SFMBT2: variants seen among roughly 807,000 people sequenced by gnomAD.
SFMBT2 encodes Scm like with four mbt domains 2.
SFMBT2 carries 38 observed loss-of-function variants against 110.1 expected under a neutral mutation model. The ratio of observed to expected loss-of-function variants is 0.35; its 90% confidence interval spans 0.27 to 0.45. SFMBT2 has a LOEUF of 0.45. Ranked by LOEUF, SFMBT2 falls within the 20% of genes least tolerant of loss-of-function variation. The probability of loss-of-function intolerance (pLI) is 1.00; values close to 1 mark genes in which losing one functional copy is unlikely to be tolerated. For missense variants in SFMBT2, 1,011 were observed against 1,094.9 expected (o/e 0.92, Z 1.08); for synonymous variants, 425 against 425.4 (o/e 1.00, Z 0.01).
intron 1 of SFMBT2, among the ~76,000 whole-genome samples, chr10:7,404,511 C>A (rs1462783256): frequency 6.6e-6 from 1 of 152,230 alleles, no homozygotes; most frequent in Non-Finnish European, 1.5e-5. Context: ...CACCTCCATA[C>A]ACTTCCTGTC....
chr10:7,245,119 A>T (rs1165409303), intron 8 of SFMBT2, among the ~76,000 whole-genome samples: 1 of 152,070 alleles, frequency 6.6e-6, no homozygotes, highest in East Asian at 1.9e-4. Flanking sequence ...TGGGGTCCTC[A>T]CTGCTACCGG....
chr10:7,373,208 G>A (rs777906730), intron 2 of SFMBT2, among the ~76,000 whole-genome samples: 65 of 152,086 alleles, frequency 4.3e-4, no homozygotes, highest in Non-Finnish European at 7.2e-4. Flanking sequence ...GGGTTGTTAA[G>A]ACCCTGGTTA....
At chr10:7,391,614 TCAA>T (rs1056007625) in intron 1 of SFMBT2, among the ~76,000 whole-genome samples, 10 of 152,236 alleles carry the variant, frequency 6.6e-5, no homozygotes, top group African/African-American at 1.4e-4. Flanking sequence ...TTTGACTTTT[TCAA>T]CAACATTTAG....
chr10:7,209,002 A>G (rs567995518), intron 11 of SFMBT2, among the ~76,000 whole-genome samples: 113 of 152,316 alleles, frequency 7.4e-4, no homozygotes, highest in African/African-American at 2.7e-3. Context: ...CTATTAAATA[A>G]GAACTGATGG....
chr10:7,400,345 G>A (rs781251705), intron 1 of SFMBT2, among the ~76,000 whole-genome samples: 1 of 152,176 alleles, frequency 6.6e-6, no homozygotes, highest in Non-Finnish European at 1.5e-5. Context: ...AAGCTTCACC[G>A]TAAACACTGT....
At chr10:7,266,893 G>A (rs1410234348) in intron 7 of SFMBT2, among the ~76,000 whole-genome samples, 1 of 152,192 alleles carries the variant, frequency 6.6e-6, no homozygotes, top group Non-Finnish European at 1.5e-5. Context: ...GGCCTAGGCT[G>A]TGGTCCTCAC....
In SFMBT2 at chr10:7,283,432, T is replaced by C. The variant is rs1416367793; in HGVS notation, c.772+472A>G. 3.9e-5 allele frequency among the ~76,000 whole-genome samples: 6 copies of C among 152,288 alleles called. No homozygotes were observed. In the South Asian group the frequency reaches 6.2e-4, roughly 16 times the overall value. ...ATGGATGAATGGATGGTCAGATAAA[T>C]AGATGAATGCTGGATGGATAGGTGG... is the stretch of plus-strand genomic sequence containing the variant. On this transcript the variant is annotated intron_variant, in intron 6 of 20. Coordinates refer to ENST00000397167, the MANE Select transcript of SFMBT2 (RefSeq NM_001387889.1).
chr10:7,336,651 CTCAA>C (rs59171440), intron 4 of SFMBT2, among the ~76,000 whole-genome samples: 57,400 of 150,606 alleles, frequency 0.38, 11,526 homozygotes, highest in African/African-American at 0.53. Context: ...GAGACCCTGT[CTCAA>C]TCAATCAATC....
At chr10:7,201,103 G>A (rs1322205897) in intron 13 of SFMBT2, 1 of 152,208 alleles carries the variant, frequency 6.6e-6, no homozygotes, top group Non-Finnish European at 1.5e-5. Context: ...GTTTCACAGG[G>A]GTGTCTAGGT....
chr10:7,283,165 T>TA (rs1841995768), intron 6 of SFMBT2, among the ~76,000 whole-genome samples: 1 of 152,228 alleles, frequency 6.6e-6, no homozygotes, highest in Non-Finnish European at 1.5e-5. Flanking sequence ...GTACCAGATG[T>TA]AAAATCACCT....
In SFMBT2 at chr10:7,283,986, G is replaced by C. The variant is rs145181622; in HGVS notation, c.690C>G (p.Asp230Glu). 5.6e-6 allele frequency: 9 copies of C among 1,610,056 alleles called. No homozygotes were observed. Among genetic ancestry groups the C allele is most frequent in the Non-Finnish European group, 6.8e-6 (8 of 1,176,414 alleles). ...YVGLEDTESY[D>E]QWLFYLDYRL... ...TGTAATCCAAGTAAAACAACCACTGGTCATAGGATTCAGTGTCCTCCAATC... is the reference window on the plus strand; with the variant it reads ...TGTAATCCAAGTAAAACAACCACTGCTCATAGGATTCAGTGTCCTCCAATC... Residue 230 changes from aspartate (D) to glutamate (E), a missense_variant, in exon 6 of 21, where the codon GAC becomes GAG. This residue lies in a region of SFMBT2 where 979 missense variants were observed against 1,016.1 expected (regional missense o/e 0.96). Coordinates refer to ENST00000397167, the MANE Select transcript of SFMBT2 (RefSeq NM_001387889.1).
chr10:7,180,051 C>A (rs1838198081), intron 16 of SFMBT2, among the ~76,000 whole-genome samples: 1 of 152,170 alleles, frequency 6.6e-6, no homozygotes, highest in Non-Finnish European at 1.5e-5. Context: ...TGCCTGGACC[C>A]CTTCACTGGG....
chr10:7,181,349 G>A (rs1374520522), intron 16 of SFMBT2, among the ~76,000 whole-genome samples: 1 of 151,548 alleles, frequency 6.6e-6, no homozygotes, highest in Non-Finnish European at 1.5e-5. Context: ...TATACTGCAA[G>A]TATTCCAAAA....
Position 7,200,330 on chromosome 10 carries a change from A to G in SFMBT2, c.1558+84T>C, listed in dbSNP as rs190675340. The G allele has an allele frequency of 5.6e-3, 5,967 of 1,074,892 alleles. 18 individuals are homozygous for G. Among genetic ancestry groups the G allele is most frequent in the Non-Finnish European group, 6.7e-3 (5,206 of 771,778 alleles). 66.6% of individuals were successfully genotyped at this position (1,074,892 alleles called of 1,614,324 possible). On this transcript the variant is annotated intron_variant, in intron 14 of 20. Coordinates refer to ENST00000397167, the MANE Select transcript of SFMBT2 (RefSeq NM_001387889.1). Reference sequence around the variant, plus strand: ...ATAGGCTCAACGTTGAGATGTATTCATATCGACCTAGAAACCTATACATGT... The same window carrying G: ...ATAGGCTCAACGTTGAGATGTATTCGTATCGACCTAGAAACCTATACATGT...
chr10:7,254,288 A>T (rs1411206349), intron 7 of SFMBT2, among the ~76,000 whole-genome samples: 1 of 152,194 alleles, frequency 6.6e-6, no homozygotes, highest in Admixed American at 6.5e-5. Flanking sequence ...CCACTGAGGC[A>T]CCGCACAGGA....
At chr10:7,379,182 C>T (rs1198690823) in intron 2 of SFMBT2, among the ~76,000 whole-genome samples, 1 of 152,112 alleles carries the variant, frequency 6.6e-6, no homozygotes, top group Non-Finnish European at 1.5e-5. Flanking sequence ...AGCTAAAGAA[C>T]ACTGGGTTTG....
At chr10:7,274,409 C>T (rs1841700596) in intron 7 of SFMBT2, among the ~76,000 whole-genome samples, 2 of 152,150 alleles carry the variant, frequency 1.3e-5, no homozygotes, top group Non-Finnish European at 2.9e-5. Context: ...CCATAATCCC[C>T]ACATGTTGTG....
intron 1 of SFMBT2, among the ~76,000 whole-genome samples, chr10:7,395,975 G>T (rs981726908): frequency 1.3e-5 from 2 of 152,108 alleles, no homozygotes; most frequent in East Asian, 1.9e-4. Context: ...TGGCTCACAC[G>T]TGTAATCCCA....
At chr10:7,349,449 T>C (rs1844237773) in intron 4 of SFMBT2, among the ~76,000 whole-genome samples, 1 of 123,262 alleles carries the variant, frequency 8.1e-6, no homozygotes, top group Non-Finnish European at 1.7e-5. Flanking sequence ...TCTTTTTTTT[T>C]TTTTTTTTTT....
Sources: gnomAD v4.1 joint callset for allele counts (sites outside exome capture counted in the v4.1 genomes callset) on GRCh38, gnomAD v4.1.1 for gene constraint, gnomAD v4.1.1 regional missense constraint, MANE v1.5 for transcripts, NCBI Gene and HGNC (gene_info 2026-07-23, HGNC 2026-07-21) for gene names.